The following OPN5 variants were observed in gnomAD, a reference collection of about 807,000 sequenced individuals.
The protein encoded by OPN5 is opsin 5, also known as opsin-5.
Under a neutral mutation model 41.7 loss-of-function variants are expected in OPN5, and 18 were observed. The ratio of observed to expected loss-of-function variants is 0.43; its 90% CI spans 0.30 to 0.64. The LOEUF (loss-of-function observed/expected upper bound fraction) is 0.64. Ranked by LOEUF, OPN5 falls within the 30% of genes least tolerant of loss-of-function variation. The probability of loss-of-function intolerance (pLI) is 0.13; values close to 1 mark genes in which losing one functional copy is unlikely to be tolerated. For missense variants in OPN5, 318 were observed against 434.5 expected (o/e 0.73, Z 2.38); for synonymous variants, 178 against 164.3 (o/e 1.08, Z -0.64).
intron 4 of OPN5, among the ~76,000 whole-genome samples, chr6:47,807,794 T>C (rs543026025): frequency 6.6e-6 from 1 of 152,140 alleles, no homozygotes; most frequent in Non-Finnish European, 1.5e-5. Flanking sequence ...GAATATATTT[T>C]CCATCGAGTT....
At position 47,785,930 on chromosome 6, in the gene OPN5, C is replaced by T. The variant is rs539201873; in HGVS notation, c.131-585C>T. Among the ~76,000 whole-genome samples, 5 of 152,292 alleles carry T rather than the reference C, an allele frequency of 3.3e-5. No homozygotes were observed. The South Asian group carries it at 1.0e-3, about 32-fold the overall frequency. ...CAGTAGCAGCTGAAGGCTGTCCTAT[C>T]TGCCAGACACTCAGTGTCCATGTCT... is the stretch of plus-strand genomic sequence containing the variant. On this transcript the variant is annotated intron_variant, in intron 1 of 6. Coordinates refer to ENST00000371211, the Ensembl canonical transcript of OPN5.
intron 6 of OPN5, among the ~76,000 whole-genome samples, chr6:47,813,068 AAAC>A (rs70999651): frequency 0.26 from 35,603 of 139,008 alleles, 4,362 homozygotes; most frequent in Non-Finnish European, 0.28. Flanking sequence ...TCTATGATTA[AAAC>A]AACAACAACA....
At chr6:47,792,253 T>A (rs1280797296) in intron 3 of OPN5, among the ~76,000 whole-genome samples, 1 of 152,246 alleles carries the variant, frequency 6.6e-6, no homozygotes, top group African/African-American at 2.4e-5. Context: ...GCTTCCATCA[T>A]GTTTCCCACG....
chr6:47,786,268 G>A (rs372419596), intron 1 of OPN5, among the ~76,000 whole-genome samples: 2 of 152,182 alleles, frequency 1.3e-5, no homozygotes, highest in East Asian at 1.9e-4. Flanking sequence ...CCTGAGCCTC[G>A]CGGGGAAGTT....
At chr6:47,790,293 A>C (rs1773327381) in intron 2 of OPN5, among the ~76,000 whole-genome samples, 1 of 152,214 alleles carries the variant, frequency 6.6e-6, no homozygotes, top group South Asian at 2.1e-4. Context: ...AACAGGTGAA[A>C]AAAATTATCT....
chr6:47,783,380 C>T (rs1383405271), intron 1 of OPN5, among the ~76,000 whole-genome samples: 1 of 152,106 alleles, frequency 6.6e-6, no homozygotes, highest in African/African-American at 2.4e-5. Context: ...TTCTCTTCCA[C>T]CCTTCTTCCC....
chr6:47,824,737 GT>G (rs773710563), downstream of OPN5: 1 of 152,086 alleles, frequency 6.6e-6, no homozygotes, highest in East Asian at 1.9e-4. Flanking sequence ...TTGTGTATGT[GT>G]TTTTTTCCTA....
At chr6:47,795,325 A>G in exon 4 of OPN5, 1 of 1,613,954 alleles carries the variant, frequency 6.2e-7, no homozygotes, top group Non-Finnish European at 8.5e-7. Context: ...GGTCTGGGGG[A>G]CTACGTACCT....
At chr6:47,823,633 C>G in intron 6 of OPN5, 1 of 385,984 alleles carries the variant, frequency 2.6e-6, no homozygotes. Context: ...GGAGAAGATC[C>G]TGCAAGGCCT....
intron 5 of OPN5, among the ~76,000 whole-genome samples, chr6:47,810,673 T>G (rs1397483825): frequency 6.6e-6 from 1 of 152,164 alleles, no homozygotes; most frequent in Non-Finnish European, 1.5e-5. Context: ...TTTGGGTAAT[T>G]TTAACAGTCT....
intron 6 of OPN5, among the ~76,000 whole-genome samples, chr6:47,815,563 A>C (rs1762404622): frequency 6.6e-6 from 1 of 152,164 alleles, no homozygotes; most frequent in Admixed American, 6.6e-5. Context: ...TAGCAGAGAT[A>C]GCATCAGTCT....
At chr6:47,812,296 A>G (rs1481012732) in intron 6 of OPN5, among the ~76,000 whole-genome samples, 1 of 152,156 alleles carries the variant, frequency 6.6e-6, no homozygotes, top group Non-Finnish European at 1.5e-5. Flanking sequence ...ACTCTCCTGT[A>G]TCTCCAAATT....
chr6:47,819,498 G>GAATTT (rs55709329), intron 6 of OPN5, among the ~76,000 whole-genome samples: 1 of 145,680 alleles, frequency 6.9e-6, no homozygotes, highest in Non-Finnish European at 1.5e-5. Flanking sequence ...AGTGTTCTCA[G>GAATTT]AATTTAATTT....
chr6:47,802,696 C>A (rs1435985537), intron 4 of OPN5, among the ~76,000 whole-genome samples: 2 of 152,188 alleles, frequency 1.3e-5, no homozygotes, highest in Non-Finnish European at 2.9e-5. Context: ...CCATCTATAA[C>A]TAACAGTGAA....
chr6:47,796,098 C>T (rs770114364), intron 4 of OPN5, among the ~76,000 whole-genome samples: 85 of 152,068 alleles, frequency 5.6e-4, no homozygotes, highest in Non-Finnish European at 8.7e-4. Flanking sequence ...CCTTGGTAAA[C>T]GGTAGTTTCA....
At chr6:47,806,276 C>T (rs1311522115) in intron 4 of OPN5, among the ~76,000 whole-genome samples, 2 of 152,048 alleles carry the variant, frequency 1.3e-5, no homozygotes, top group Non-Finnish European at 2.9e-5. Flanking sequence ...TAGTAGATAA[C>T]ATTGTGTAAG....
chr6:47,824,280 G>T, exon 7 of OPN5: 1 of 450,348 alleles, frequency 2.2e-6, no homozygotes, highest in Non-Finnish European at 4.0e-6. Flanking sequence ...TCGTCAGTAA[G>T]GACTTCACTT....
At chr6:47,816,920 G>T (rs1218302288) in intron 6 of OPN5, among the ~76,000 whole-genome samples, 3 of 152,150 alleles carry the variant, frequency 2.0e-5, no homozygotes, top group African/African-American at 7.2e-5. Flanking sequence ...AGTGATAGGT[G>T]TGAATCTTGT....
intron 4 of OPN5, 62 bp downstream of exon 4, chr6:47,795,625 A>G (rs888895819): frequency 2.9e-5 from 34 of 1,160,992 alleles, no homozygotes; most frequent in Non-Finnish European, 4.1e-5. Flanking sequence ...TAGGGTACAA[A>G]GGATAGGGAA....
Sources: allele counts gnomAD v4.1 joint callset (sites outside exome capture counted in the v4.1 genomes callset), GRCh38; gene constraint gnomAD v4.1.1; transcripts MANE v1.5; gene names NCBI Gene and HGNC (gene_info 2026-07-23, HGNC 2026-07-21).